Variants in CTNNA1 observed in about 807,000 individuals in gnomAD.
CTNNA1 encodes the protein catenin alpha 1, also known as catenin alpha-1.
Under a neutral mutation model 98.4 loss-of-function variants are expected in CTNNA1, and 37 were observed. The observed-to-expected ratio is 0.38, with a 90% CI of 0.29 to 0.49. The LOEUF (loss-of-function observed/expected upper bound fraction) is 0.49. Ranked by LOEUF, CTNNA1 falls within the 20% of genes least tolerant of loss-of-function variation. The pLI, the probability that CTNNA1 is intolerant of heterozygous loss-of-function variation, is 0.95. For missense variants in CTNNA1, 761 were observed against 1,147.2 expected, an observed-to-expected ratio of 0.66 and a Z score of 4.86; for synonymous variants, 404 against 413.2, an observed-to-expected ratio of 0.98 and a Z score of 0.27.
intron 5 of CTNNA1, among the ~76,000 whole-genome samples, chr5:138,820,349 G>A (rs1398708097): frequency 6.6e-6 from 1 of 152,014 alleles, no homozygotes; most frequent in African/African-American, 2.4e-5. Context: ...AGATGGTATA[G>A]CACAGTAGTT....
chr5:138,916,395 C>CT (rs751646294), intron 10 of CTNNA1, among the ~76,000 whole-genome samples: 8,959 of 139,476 alleles, frequency 0.064, 621 homozygotes, highest in African/African-American at 0.18. Flanking sequence ...TGTTTTTTGT[C>CT]TTTTTTTTTT....
intron 7 of CTNNA1, among the ~76,000 whole-genome samples, chr5:138,831,855 C>A (rs1366667340): frequency 2.6e-5 from 4 of 152,116 alleles, no homozygotes; most frequent in Non-Finnish European, 5.9e-5. Context: ...TTAATGAACT[C>A]ATGCTGGTTT....
intron 7 of CTNNA1, among the ~76,000 whole-genome samples, chr5:138,854,249 C>T (rs559510647): frequency 6.6e-6 from 1 of 152,318 alleles, no homozygotes; most frequent in African/African-American, 2.4e-5. Context: ...ACTCTACACA[C>T]ATTCAACTGA....
At position 138,925,266 on chromosome 5, in the gene CTNNA1, T is replaced by G. The variant is rs746021399; in HGVS notation, c.1758T>G (p.Arg586=). The G allele has an allele frequency of 6.2e-7, 1 of 1,613,902 alleles. No individual in the cohort carries two copies. Among genetic ancestry groups the G allele is most frequent in the Non-Finnish European group, 8.5e-7 (1 of 1,179,972 alleles). The change falls in exon 13 of 18, where the codon CGT becomes CGG. Residue 586 remains arginine, a synonymous_variant. Transcript: ENST00000302763. ...CCTCTTTCTCCACAGTCATGCCACG[T>G]TTTACTGAGCAAGTAGAAGCAGCCG... ...TKLLSNTVMP[R]FTEQVEAAVE... is the part of the protein sequence containing the mutation.
intron 13 of CTNNA1, among the ~76,000 whole-genome samples, chr5:138,926,641 C>T (rs761267199): frequency 1.6e-4 from 25 of 152,208 alleles, no homozygotes; most frequent in African/African-American, 5.8e-4. Context: ...ATCCCTTGCA[C>T]GTCTTTGTAC....
chr5:138,930,875 C>T lies in CTNNA1; in HGVS notation c.2238C>T (p.Ala746=), dbSNP rs199723374. 6.2e-7 allele frequency: 1 copy of T among 1,613,954 alleles called. No homozygotes were observed. The highest frequency in any genetic ancestry group is 8.5e-7 in the Non-Finnish European group (1 of 1,179,806). ...ATACATCGGATGTCATCAGTGCTGC[C>T]AAGAAAATTGCTGAGGCAGGATCCA... is the stretch of plus-strand genomic sequence containing the variant. ...LKNTSDVISA[A]KKIAEAGSRM... The change falls in exon 16 of 18, where the codon GCC becomes GCT. Residue 746 remains alanine, a synonymous_variant. Transcript: ENST00000302763.
intron 10 of CTNNA1, among the ~76,000 whole-genome samples, chr5:138,905,146 C>T (rs1758960965): frequency 7.3e-6 from 1 of 136,398 alleles, no homozygotes; most frequent in Non-Finnish European, 1.6e-5. Flanking sequence ...AAAAATTAGC[C>T]CAACATGATG....
Position 138,849,643 on chromosome 5 carries a change from C to T in CTNNA1, c.1062+21925C>T, listed in dbSNP as rs145099523. The stretch of plus-strand genomic sequence containing the variant: ...ATCACTCCACTTCAGGAGATGTGAA[C>T]AGTTGCCATCAGATGTTATCTATGA... On this transcript the variant is annotated intron_variant, in intron 7 of 17. Coordinates refer to ENST00000302763, the MANE Select transcript of CTNNA1 (RefSeq NM_001903.5). Among the ~76,000 whole-genome samples, 7 of 152,284 alleles carry T rather than the reference C, an allele frequency of 4.6e-5. No homozygotes were observed. In the East Asian group the frequency reaches 9.6e-4, roughly 21 times the overall value.
At chr5:138,893,287 T>C (rs1755919915) in intron 9 of CTNNA1, among the ~76,000 whole-genome samples, 2 of 152,160 alleles carry the variant, frequency 1.3e-5, no homozygotes, top group South Asian at 4.1e-4. Flanking sequence ...AGCCTCACTT[T>C]GTGATGCCCA....
Position 138,873,607 on chromosome 5 carries a change from T to G in CTNNA1, c.1063-12605T>G, listed in dbSNP as rs373602374. On this transcript the variant is annotated intron_variant, in intron 7 of 17. Transcript: ENST00000302763. The surrounding 1 kb of genome is among the most constrained non-coding windows in gnomAD (Gnocchi z 6.1). ...CCAGCCAGGAGGCCAGAGCACATAT[T>G]CGGGCGCTGCATTCCCACAGATTGC... 1.9e-5 allele frequency: 30 copies of G among 1,613,900 alleles called. No individual in the cohort carries two copies. Among genetic ancestry groups the G allele is most frequent in the Non-Finnish European group, 2.3e-5 (27 of 1,179,904 alleles).
intron 7 of CTNNA1, among the ~76,000 whole-genome samples, chr5:138,831,196 G>A (rs1761243998): frequency 6.6e-6 from 1 of 152,138 alleles, no homozygotes; most frequent in Non-Finnish European, 1.5e-5. Flanking sequence ...TTCGTTTTGT[G>A]TTGCTTATTA....
chr5:138,861,358 T>A (rs1764258642), intron 7 of CTNNA1, among the ~76,000 whole-genome samples: 1 of 152,206 alleles, frequency 6.6e-6, no homozygotes. Context: ...ACATGGGCGA[T>A]CCTTACATGA....
intron 11 of CTNNA1, among the ~76,000 whole-genome samples, chr5:138,923,322 C>T (rs1378477411): frequency 1.3e-5 from 2 of 152,000 alleles, no homozygotes; most frequent in Non-Finnish European, 2.9e-5. Flanking sequence ...TTTAAATATC[C>T]CTCTTAAAAT....
chr5:138,865,873 A>C (rs1764705661), intron 7 of CTNNA1, among the ~76,000 whole-genome samples: 1 of 152,244 alleles, frequency 6.6e-6, no homozygotes. Context: ...TGTGTAAATG[A>C]TAAATAACAT....
rs288028 is a variant in CTNNA1 at position 138,886,300 on chromosome 5, G to T, written c.1143+8G>T. On this transcript the variant is annotated splice_region_variant and intron_variant, in intron 8 of 17. Coordinates refer to ENST00000302763, the MANE Select transcript of CTNNA1 (RefSeq NM_001903.5). Reference sequence around the variant, plus strand: ...AGGGACTTGCGTAGACAGGTAATCTGGATGAAAGTGCTGATTGTTTTTCTA... The same window carrying T: ...AGGGACTTGCGTAGACAGGTAATCTTGATGAAAGTGCTGATTGTTTTTCTA... The T allele has an allele frequency of 6.3e-7, 1 of 1,578,998 alleles. No homozygotes were observed. Among genetic ancestry groups the T allele is most frequent in the Non-Finnish European group, 8.6e-7 (1 of 1,166,988 alleles).
At chr5:138,908,290 A>G (rs1228087024) in intron 10 of CTNNA1, among the ~76,000 whole-genome samples, 3 of 152,186 alleles carry the variant, frequency 2.0e-5, no homozygotes, top group African/African-American at 7.2e-5. Context: ...CCTATAGCAA[A>G]TTAACTTTTG....
intron 1 of CTNNA1, among the ~76,000 whole-genome samples, chr5:138,771,198 A>T (rs1753515782): frequency 6.6e-6 from 1 of 151,600 alleles, no homozygotes; most frequent in South Asian, 2.1e-4. Flanking sequence ...TGAAGGCTAA[A>T]TGGTTGGCTG....
intron 10 of CTNNA1, among the ~76,000 whole-genome samples, chr5:138,907,469 C>T (rs936012338): frequency 9.9e-5 from 15 of 152,262 alleles, no homozygotes; most frequent in African/African-American, 2.6e-4. Context: ...TGCTGTGGCC[C>T]GTGTGTTTCA....
chr5:138,851,682 C>G (rs1763195986), intron 7 of CTNNA1, among the ~76,000 whole-genome samples: 1 of 152,132 alleles, frequency 6.6e-6, no homozygotes, highest in Admixed American at 6.5e-5. Context: ...TCGCTTGAAC[C>G]TGGGAGGCGG....
Sources: allele counts gnomAD v4.1 joint callset (sites outside exome capture counted in the v4.1 genomes callset), GRCh38; gene constraint gnomAD v4.1.1; non-coding constraint Gnocchi (gnomAD v3.1); transcripts MANE v1.5; gene names NCBI Gene and HGNC (gene_info 2026-07-23, HGNC 2026-07-21).